PPARGC1B: variants seen among roughly 807,000 people sequenced by gnomAD.
PPARGC1B encodes peroxisome proliferator-activated receptor gamma coactivator 1-beta.
Under a neutral mutation model 101.6 loss-of-function variants are expected in PPARGC1B, and 34 were observed. The ratio of observed to expected loss-of-function variants is 0.33; its 90% confidence interval spans 0.25 to 0.45. PPARGC1B has a LOEUF of 0.45. PPARGC1B is among the 20% of genes least tolerant of loss of function. The pLI is 1.00. For synonymous variants in PPARGC1B, 548 were observed against 539.3 expected, an observed-to-expected ratio of 1.02 and a Z score of -0.22; for missense variants, 1,234 against 1,317.6, an observed-to-expected ratio of 0.94 and a Z score of 0.98.
rs537061154 is a variant in PPARGC1B, at chr5:149,832,931, G to A, written c.858G>A (p.Ala286=). The change falls in exon 5 of 12, where the codon GCG becomes GCA. Residue 286 remains alanine (A), a synonymous_variant. Transcript: ENST00000309241. The surrounding 1 kb of genome is among the most constrained non-coding windows in gnomAD (Gnocchi z 4.9). ...CGGTTTCCCAGGAAGACATGCAGGCGATGGTGCAACTCATACGCTACATGC... is the reference window on the plus strand; with the variant it reads ...CGGTTTCCCAGGAAGACATGCAGGCAATGGTGCAACTCATACGCTACATGC... ...GAPVSQEDMQ[A]MVQLIRYMHT... The A allele has an allele frequency of 3.2e-5, 51 of 1,613,178 alleles. No individual in the cohort carries two copies. Among genetic ancestry groups the A allele is most frequent in the Middle Eastern group, 1.6e-4 (1 of 6,062 alleles).
chr5:149,812,574 A>G (rs1757906528), intron 1 of PPARGC1B, among the ~76,000 whole-genome samples: 1 of 152,258 alleles, frequency 6.6e-6, no homozygotes, highest in African/African-American at 2.4e-5. Context: ...CTTCAGGCAC[A>G]GCTGAATCCA....
intron 1 of PPARGC1B, among the ~76,000 whole-genome samples, chr5:149,804,124 G>A (rs559437584): frequency 1.3e-5 from 2 of 152,208 alleles, no homozygotes; most frequent in East Asian, 1.9e-4. Context: ...CTCAACCCCC[G>A]GTAAAGGGGG....
chr5:149,747,299 T>C (rs772433048), intron 1 of PPARGC1B, among the ~76,000 whole-genome samples: 3 of 152,240 alleles, frequency 2.0e-5, no homozygotes, highest in Non-Finnish European at 2.9e-5. Context: ...AGAGTCCAAC[T>C]TCATTCCTTC....
intron 3 of PPARGC1B, among the ~76,000 whole-genome samples, chr5:149,828,731 T>C (rs550958022): frequency 6.6e-6 from 1 of 152,198 alleles, no homozygotes; most frequent in Non-Finnish European, 1.5e-5. Context: ...CTAGACTCCC[T>C]GCATACCGAC....
At chr5:149,758,724 T>C (rs1755621210) in intron 1 of PPARGC1B, among the ~76,000 whole-genome samples, 2 of 152,236 alleles carry the variant, frequency 1.3e-5, no homozygotes, top group African/African-American at 4.8e-5. Context: ...CTTTCCAGGC[T>C]CCATGGTGTC....
At position 149,832,017 on chromosome 5, in the gene PPARGC1B, A is replaced by G. The variant is rs1758802974; in HGVS notation, c.583-639A>G. Reference sequence around the variant, plus strand: ...CATTATCCAGTTTTAGAACATATCCATCATTCAGGCTGGTCGCGGTGGCTC... The same window carrying G: ...CATTATCCAGTTTTAGAACATATCCGTCATTCAGGCTGGTCGCGGTGGCTC... On this transcript the variant is annotated intron_variant, in intron 4 of 11. Coordinates refer to ENST00000309241, the MANE Select transcript of PPARGC1B (RefSeq NM_133263.4). This position sits in a 1 kb window ranked among gnomAD's most constrained non-coding sequence, Gnocchi z 4.9. Among the ~76,000 whole-genome samples the G allele has an allele frequency of 6.6e-6, 1 of 152,162 alleles. No individual in the cohort carries two copies. Among genetic ancestry groups the G allele is most frequent in the Non-Finnish European group, 1.5e-5 (1 of 68,012 alleles).
chr5:149,732,868 C>T (rs370825499), intron 1 of PPARGC1B: 4 of 473,832 alleles, frequency 8.4e-6, no homozygotes, highest in Non-Finnish European at 1.8e-5. Context: ...AGAAATAGCA[C>T]TGGACTTGGA....
chr5:149,743,550 G>A (rs1754984064), intron 1 of PPARGC1B, among the ~76,000 whole-genome samples: 1 of 152,154 alleles, frequency 6.6e-6, no homozygotes, highest in Non-Finnish European at 1.5e-5. Flanking sequence ...AACAGTCCCT[G>A]GCACACTGTA....
intron 1 of PPARGC1B, among the ~76,000 whole-genome samples, chr5:149,803,088 C>A (rs1757485048): frequency 6.6e-6 from 1 of 152,206 alleles, no homozygotes; most frequent in South Asian, 2.1e-4. Context: ...CACGTGCTGA[C>A]CCTGCATGTC....
intron 1 of PPARGC1B, among the ~76,000 whole-genome samples, chr5:149,744,563 A>G (rs1390038235): frequency 6.6e-6 from 1 of 152,210 alleles, no homozygotes; most frequent in Non-Finnish European, 1.5e-5. Flanking sequence ...GAAAGTGTGA[A>G]GTACATTTTG....
Position 149,847,591 on chromosome 5 carries a change from A to G in PPARGC1B, c.*33A>G, listed in dbSNP as rs766035749. On this transcript the variant is annotated 3_prime_UTR_variant, in exon 12 of 12. Transcript: ENST00000309241. ...CTTAACCCTCGAGGAATACCTCAAT[A>G]CCTCAGACAAGGCCCTTCCAATATG... is the stretch of plus-strand genomic sequence containing the variant. 8.8e-6 allele frequency: 13 copies of G among 1,482,468 alleles called. No homozygotes were observed. The highest frequency in any genetic ancestry group is 2.3e-5 in the East Asian group (1 of 44,210). The allele number at this position is 1,482,468 out of a possible 1,614,324, so 91.8% of individuals were successfully genotyped here.
At chr5:149,818,714 CCT>C in intron 1 of PPARGC1B, 1 of 410,924 alleles carries the variant, frequency 2.4e-6, no homozygotes, top group South Asian at 1.8e-5. Context: ...AGTTCCCGCT[CCT>C]CTCTGCCTAC....
At chr5:149,856,430 C>T (rs1216928991), downstream of PPARGC1B, among the ~76,000 whole-genome samples, 2 of 152,154 alleles carry the variant, frequency 1.3e-5, no homozygotes, top group East Asian at 1.9e-4. Flanking sequence ...TTCAGGAGAA[C>T]AGGCCTGCCT....
rs996729056 is a variant in PPARGC1B, at chr5:149,850,741, G to A, written c.*3183G>A. ...ATCGCCATAAAGCTTGCTGTAGACT[G>A]TGTCGATAGCCGCCCGCACAGGGCA... On this transcript the variant is annotated 3_prime_UTR_variant, in exon 12 of 12. Coordinates refer to ENST00000309241, the MANE Select transcript of PPARGC1B (RefSeq NM_133263.4). 6.6e-6 allele frequency: 1 copy of A among 152,250 alleles called. No homozygotes were observed. The highest frequency in any genetic ancestry group is 2.4e-5 in the African/African-American group (1 of 41,452). The allele number at this position is 152,250 out of a possible 1,614,324, so 9.4% of individuals were successfully genotyped here.
rs79271039 is a variant in PPARGC1B at position 149,739,126 on chromosome 5, A to G, written c.78+8706A>G. Among the ~76,000 whole-genome samples the G allele has an allele frequency of 5.8e-3, 891 of 152,354 alleles. 55 individuals carry two copies. The East Asian group carries it at 0.14, about 24-fold the overall frequency. ...AACTTTGTATTTTAAACATTTGACT[A>G]TGGAAAATGTCAACTCATACAGAAG... On this transcript the variant is annotated intron_variant, in intron 1 of 11. Transcript: ENST00000309241.
intron 1 of PPARGC1B, among the ~76,000 whole-genome samples, chr5:149,815,924 G>A (rs763998697): frequency 2.0e-5 from 3 of 152,190 alleles, no homozygotes; most frequent in African/African-American, 2.4e-5. Flanking sequence ...AGACTGATGA[G>A]AGCATGTATA....
chr5:149,758,750 G>A (rs1041811529), intron 1 of PPARGC1B, among the ~76,000 whole-genome samples: 1 of 152,082 alleles, frequency 6.6e-6, no homozygotes, highest in Non-Finnish European at 1.5e-5. Context: ...TCTCTACTGG[G>A]GGTTGTATTC....
intron 1 of PPARGC1B, among the ~76,000 whole-genome samples, chr5:149,819,355 T>G (rs1039337093): frequency 1.3e-5 from 2 of 152,218 alleles, no homozygotes; most frequent in Non-Finnish European, 2.9e-5. Flanking sequence ...TCTTTACACA[T>G]GTGGGGTTAT....
chr5:149,795,354 G>A (rs1757170470), intron 1 of PPARGC1B, among the ~76,000 whole-genome samples: 1 of 152,134 alleles, frequency 6.6e-6, no homozygotes, highest in African/African-American at 2.4e-5. Flanking sequence ...TATCTCATGA[G>A]GTACCTGCAG....
Sources: gnomAD v4.1 joint callset for allele counts (sites outside exome capture counted in the v4.1 genomes callset) on GRCh38, gnomAD v4.1.1 for gene constraint, Gnocchi (gnomAD v3.1) non-coding constraint, MANE v1.5 for transcripts, NCBI Gene and HGNC (gene_info 2026-07-23, HGNC 2026-07-21) for gene names.